Variants in CDH22 observed in about 807,000 individuals in gnomAD.
The protein encoded by CDH22 is cadherin 22.
Under a neutral mutation model 58.4 loss-of-function variants are expected in CDH22, and 30 were observed. The ratio of observed to expected loss-of-function variants is 0.51; its 90% CI spans 0.38 to 0.70. CDH22 has a LOEUF of 0.70. CDH22 is among the 30% of genes least tolerant of loss of function. The pLI is 0.00. For synonymous variants in CDH22, 513 were observed against 558.2 expected (o/e 0.92, Z 1.14); for missense variants, 1,014 against 1,233.9 (o/e 0.82, Z 2.67).
rs1026774354 is a variant in CDH22 at position 46,251,754 on chromosome 20, C to G, written c.-399-61G>C. On this transcript the variant is annotated intron_variant, in intron 1 of 11. Transcript: ENST00000537909. This position sits in a 1 kb window ranked among gnomAD's most constrained non-coding sequence, Gnocchi z 6.7. Reference sequence around the variant, plus strand: ...TGTGTAGGGGGAGGGCAAGTTGAGTCTATCTTTCCTCTTGTAGGTACTAAT... The same window carrying G: ...TGTGTAGGGGGAGGGCAAGTTGAGTGTATCTTTCCTCTTGTAGGTACTAAT... The G allele has an allele frequency of 1.3e-5, 2 of 153,834 alleles. No homozygotes were observed. Among genetic ancestry groups the G allele is most frequent in the Non-Finnish European group, 2.9e-5 (2 of 69,380 alleles). 9.5% of individuals were successfully genotyped at this position (153,834 alleles called of 1,614,324 possible). A position where few individuals can be genotyped will look rare whatever the true frequency, so the allele number is the denominator to read the frequency against.
intron 3 of CDH22, among the ~76,000 whole-genome samples, chr20:46,232,052 C>A (rs902277211): frequency 6.6e-6 from 1 of 152,184 alleles, no homozygotes. Flanking sequence ...CCCTGGACAC[C>A]AGCATCAGGA....
intron 3 of CDH22, among the ~76,000 whole-genome samples, chr20:46,240,365 G>A (rs906120055): frequency 6.6e-6 from 1 of 152,150 alleles, no homozygotes; most frequent in Non-Finnish European, 1.5e-5. Context: ...GGGTCTGAGT[G>A]TGTGGTTGGG....
intron 10 of CDH22, 52 bp from the exon 11 acceptor site, chr20:46,178,249 CT>C: frequency 6.3e-7 from 1 of 1,578,592 alleles, no homozygotes; most frequent in South Asian, 1.2e-5. Flanking sequence ...GGTCAGCATC[CT>C]TGTCCTAGCC....
At chr20:46,197,614 T>C (rs2085916264) in intron 8 of CDH22, among the ~76,000 whole-genome samples, 1 of 152,080 alleles carries the variant, frequency 6.6e-6, no homozygotes, top group African/African-American at 2.4e-5. Flanking sequence ...AGAGCCTCAG[T>C]TGCTACCCAG....
intron 7 of CDH22, among the ~76,000 whole-genome samples, chr20:46,204,593 C>T (rs1427432348): frequency 1.3e-5 from 2 of 152,084 alleles, no homozygotes; most frequent in South Asian, 2.1e-4. Flanking sequence ...TGTCATCACT[C>T]TCATTTTACA....
chr20:46,190,263 C>T (rs1019633992), intron 8 of CDH22, among the ~76,000 whole-genome samples: 2 of 152,240 alleles, frequency 1.3e-5, no homozygotes, highest in Non-Finnish European at 2.9e-5. Flanking sequence ...CCTTGTTAAA[C>T]CCACTTTCTG....
At chr20:46,228,306 G>A (rs1248108986) in intron 3 of CDH22, among the ~76,000 whole-genome samples, 3 of 152,128 alleles carry the variant, frequency 2.0e-5, no homozygotes, top group African/African-American at 7.2e-5. Context: ...TGCCCTCCTC[G>A]CCCCTCCCCC....
intron 10 of CDH22, among the ~76,000 whole-genome samples, chr20:46,178,914 C>T (rs1243285344): frequency 6.6e-6 from 1 of 152,168 alleles, no homozygotes; most frequent in Non-Finnish European, 1.5e-5. Context: ...GCATTGAGGC[C>T]TTCTCCACAT....
intron 11 of CDH22, among the ~76,000 whole-genome samples, 156 bp downstream of exon 11, chr20:46,177,790 C>G (rs1282497591): frequency 6.6e-6 from 1 of 152,182 alleles, no homozygotes; most frequent in Non-Finnish European, 1.5e-5. Flanking sequence ...GAAGACTCCT[C>G]ATGGGGGCTG....
At position 46,174,378 on chromosome 20, in the gene CDH22, T is replaced by G; in HGVS notation, c.*128A>C. On this transcript the variant is annotated 3_prime_UTR_variant, in exon 12 of 12. Coordinates refer to ENST00000537909, the MANE Select transcript of CDH22 (RefSeq NM_021248.3). The surrounding 1 kb of genome is among the most constrained non-coding windows in gnomAD (Gnocchi z 4.4). ...GAGTCCGCTCCTAGCAAGTCCCCCCTCCGTCCAGCCGCCAAGGGAGGGTTG... is the reference window on the plus strand; with the variant it reads ...GAGTCCGCTCCTAGCAAGTCCCCCCGCCGTCCAGCCGCCAAGGGAGGGTTG... The G allele has an allele frequency of 4.7e-6, 3 of 640,664 alleles. No individual in the cohort carries two copies. Among genetic ancestry groups the G allele is most frequent in the Non-Finnish European group, 7.5e-6 (3 of 400,610 alleles). The allele number at this position is 640,664 out of a possible 1,614,324, so 39.7% of individuals were successfully genotyped here.
intron 4 of CDH22, among the ~76,000 whole-genome samples, chr20:46,221,130 T>C (rs906122341): frequency 3.9e-5 from 6 of 152,216 alleles, no homozygotes; most frequent in Non-Finnish European, 8.8e-5. Context: ...TCCTGCCAGC[T>C]GTCCCAGTGA....
At chr20:46,215,909 G>A (rs1264516626) in intron 5 of CDH22, among the ~76,000 whole-genome samples, 1 of 152,194 alleles carries the variant, frequency 6.6e-6, no homozygotes, top group Non-Finnish European at 1.5e-5. Context: ...TCTGTGCCAG[G>A]CTCCCTGGCA....
At position 46,189,122 on chromosome 20, in the gene CDH22, C is replaced by T. The variant is rs147333225; in HGVS notation, c.1424-2175G>A. On this transcript the variant is annotated intron_variant, in intron 8 of 11. Transcript: ENST00000537909. ...AGCCACCTCCTGGGGGGGCGGGCGG[C>T]GGTCAGGAAAAGGAGGGGGCTGAGT... Among the ~76,000 whole-genome samples the T allele has an allele frequency of 2.0e-4, 30 of 152,148 alleles. No homozygotes were observed. The East Asian group carries it at 4.8e-3, about 25-fold the overall frequency.
At chr20:46,228,584 G>A (rs971067267) in intron 3 of CDH22, among the ~76,000 whole-genome samples, 1 of 152,128 alleles carries the variant, frequency 6.6e-6, no homozygotes, top group Non-Finnish European at 1.5e-5. Flanking sequence ...GGAGGGTCAG[G>A]TGGAGGGGCC....
Position 46,251,502 on chromosome 20 carries a change from G to C in CDH22, c.-208C>G, listed in dbSNP as rs1285579173. The C allele has an allele frequency of 2.3e-6, 1 of 437,480 alleles. No individual in the cohort carries two copies. The highest frequency in any genetic ancestry group is 2.1e-5 in the African/African-American group (1 of 47,952). The allele number at this position is 437,480 out of a possible 1,614,324, so 27.1% of individuals were successfully genotyped here. ...ACCCGGCTGGAGGGGGAGGGGGCGC[G>C]GCCGCATCCGGGGCATGGACAGCCC... On this transcript the variant is annotated 5_prime_UTR_variant, in exon 2 of 12. Transcript: ENST00000537909. The surrounding 1 kb of genome is among the most constrained non-coding windows in gnomAD (Gnocchi z 6.7).
intron 8 of CDH22, among the ~76,000 whole-genome samples, chr20:46,193,079 G>T (rs559832004): frequency 1.3e-5 from 2 of 152,092 alleles, no homozygotes; most frequent in African/African-American, 4.8e-5. Flanking sequence ...GGTGAAGCAG[G>T]GACCCTGAAA....
chr20:46,199,683 A>AAC, intron 7 of CDH22, 124 bp from the exon 8 acceptor site: 1 of 1,217,606 alleles, frequency 8.2e-7, no homozygotes, highest in Non-Finnish European at 1.1e-6. Flanking sequence ...GGGGCAGAGA[A>AAC]ACCCCTTGCG....
intron 1 of CDH22, among the ~76,000 whole-genome samples, chr20:46,264,347 A>C (rs1476844685): frequency 6.6e-6 from 1 of 152,206 alleles, no homozygotes; most frequent in African/African-American, 2.4e-5. Flanking sequence ...AAGAGAGGCC[A>C]GTTGCATACC....
At chr20:46,234,278 T>C (rs569625106) in intron 3 of CDH22, among the ~76,000 whole-genome samples, 1 of 152,374 alleles carries the variant, frequency 6.6e-6, no homozygotes, top group Non-Finnish European at 1.5e-5. Flanking sequence ...ATTGTGACTC[T>C]TTCCTCAAAG....
Sources: gnomAD v4.1 joint callset for allele counts (sites outside exome capture counted in the v4.1 genomes callset) on GRCh38, gnomAD v4.1.1 for gene constraint, Gnocchi (gnomAD v3.1) non-coding constraint, MANE v1.5 for transcripts, NCBI Gene and HGNC (gene_info 2026-07-23, HGNC 2026-07-21) for gene names.